PPARGC1A: variants seen among roughly 807,000 people sequenced by gnomAD.
The protein encoded by PPARGC1A is PPARG coactivator 1 alpha, also known as peroxisome proliferator-activated receptor gamma coactivator 1-alpha.
A neutral mutation model predicts 88.7 loss-of-function variants in PPARGC1A; 25 were observed. The observed-to-expected ratio is 0.28, with a 90% CI of 0.21 to 0.39. PPARGC1A has a LOEUF of 0.39. Among genes scored for constraint, PPARGC1A ranks in the 10% least tolerant of loss-of-function variants. The pLI is 1.00. For missense variants in PPARGC1A, 880 were observed against 968.7 expected, an observed-to-expected ratio of 0.91 and a Z score of 1.22; for synonymous variants, 363 against 355.6, an observed-to-expected ratio of 1.02 and a Z score of -0.24.
At chr4:24,420,254 G>A in the PPARGC1A span, among the ~76,000 whole-genome samples, 1 of 152,190 alleles carries the variant, frequency 6.6e-6, no homozygotes, top group Non-Finnish European at 1.5e-5. Flanking sequence ...GTAAATCTCA[G>A]AACAGAAAGT....
At chr4:24,424,075 A>G in the PPARGC1A span, among the ~76,000 whole-genome samples, 10 of 152,260 alleles carry the variant, frequency 6.6e-5, no homozygotes, top group Admixed American at 6.5e-4. Flanking sequence ...GGAAACTTTT[A>G]CTGTATCCAT....
the PPARGC1A span, among the ~76,000 whole-genome samples, chr4:24,019,823 A>T: frequency 6.6e-6 from 1 of 152,206 alleles, no homozygotes; most frequent in Admixed American, 6.5e-5. Context: ...TTTGCTCTAC[A>T]TCACCCACAT....
the PPARGC1A span, among the ~76,000 whole-genome samples, chr4:24,182,907 C>T: frequency 2.0e-5 from 3 of 152,260 alleles, no homozygotes; most frequent in Non-Finnish European, 2.9e-5. Flanking sequence ...GGCTGTCCTG[C>T]GTGCCAGGAA....
intron 2 of PPARGC1A, among the ~76,000 whole-genome samples, chr4:23,849,807 ATT>A (rs201793553): frequency 3.5e-5 from 5 of 144,500 alleles, no homozygotes; most frequent in Admixed American, 6.9e-5. Context: ...TAGATTTAGA[ATT>A]TTTTTTTTTT....
At chr4:24,281,601 T>C in the PPARGC1A span, among the ~76,000 whole-genome samples, 2 of 152,188 alleles carry the variant, frequency 1.3e-5, no homozygotes, top group Admixed American at 1.3e-4. Context: ...AATTTCAACA[T>C]GAGGTTTGAA....
At chr4:24,192,174 T>C in the PPARGC1A span, among the ~76,000 whole-genome samples, 1 of 152,126 alleles carries the variant, frequency 6.6e-6, no homozygotes, top group Non-Finnish European at 1.5e-5. Context: ...AAAAATGTTG[T>C]CCTGGAGACA....
chr4:24,194,943 G>T, the PPARGC1A span, among the ~76,000 whole-genome samples: 2 of 152,132 alleles, frequency 1.3e-5, no homozygotes, highest in Non-Finnish European at 2.9e-5. Flanking sequence ...ATTCTTCCTG[G>T]TTTGCCCAGT....
chr4:23,932,577 A>G, the PPARGC1A span, among the ~76,000 whole-genome samples: 1 of 152,246 alleles, frequency 6.6e-6, no homozygotes, highest in African/African-American at 2.4e-5. Context: ...TACTTTAGGG[A>G]AAATGGAAAA....
chr4:24,122,382 C>CGT, the PPARGC1A span, among the ~76,000 whole-genome samples: 3 of 69,942 alleles, frequency 4.3e-5, no homozygotes, highest in Non-Finnish European at 6.3e-5. Context: ...TGTGTGTATG[C>CGT]GTATGTGTGT....
chr4:24,383,966 C>A, the PPARGC1A span, among the ~76,000 whole-genome samples: 1 of 152,160 alleles, frequency 6.6e-6, no homozygotes, highest in Non-Finnish European at 1.5e-5. Context: ...ATGTTAAGGG[C>A]AGCCAGAGGA....
intron 7 of PPARGC1A, among the ~76,000 whole-genome samples, chr4:23,817,972 T>A (rs867707765): frequency 6.6e-6 from 1 of 152,122 alleles, no homozygotes; most frequent in East Asian, 1.9e-4. Flanking sequence ...TCTGAACTAG[T>A]TGTTATTTCT....
the PPARGC1A span, among the ~76,000 whole-genome samples, chr4:24,331,220 C>A: frequency 7.2e-5 from 11 of 152,348 alleles, no homozygotes; most frequent in Non-Finnish European, 1.6e-4. Flanking sequence ...TCCAGCCATA[C>A]TGGCCAAGCT....
At chr4:24,192,564 G>A in the PPARGC1A span, among the ~76,000 whole-genome samples, 1 of 152,192 alleles carries the variant, frequency 6.6e-6, no homozygotes. Flanking sequence ...CAAAAGGACA[G>A]CATTGTAAGT....
chr4:23,907,089 T>C (rs1259338261), upstream of PPARGC1A, among the ~76,000 whole-genome samples: 1 of 152,132 alleles, frequency 6.6e-6, no homozygotes, highest in African/African-American at 2.4e-5. Context: ...CAGAAGAGAC[T>C]GCCTCTCCTG....
chr4:23,991,005 G>A, the PPARGC1A span, among the ~76,000 whole-genome samples: 72 of 60,948 alleles, frequency 1.2e-3, no homozygotes, highest in African/African-American at 3.5e-3. Context: ...ATCCTCATAA[G>A]TAGAAGACAT....
the PPARGC1A span, among the ~76,000 whole-genome samples, chr4:24,195,861 A>C: frequency 6.6e-6 from 1 of 152,198 alleles, no homozygotes; most frequent in Admixed American, 6.5e-5. Flanking sequence ...TTATGCTAAT[A>C]AAGAAATACA....
chr4:23,828,548 T>C lies in PPARGC1A; in HGVS notation c.609A>G (p.Gln203=), dbSNP rs772311532. The C allele has an allele frequency of 1.2e-5, 19 of 1,614,048 alleles. No homozygotes were observed. The highest frequency in any genetic ancestry group is 6.7e-5 in the African/African-American group (5 of 74,932). ...AKSICQQQKP[Q]RRPCSELLKY... ...TGAGAAGCTCCGAGCAGGGACGTCT[T>C]TGTGGCTTTTGCTGTTGACAAATAC... The change falls in exon 5 of 13, where the codon CAA becomes CAG. Residue 203 remains glutamine (Q), a synonymous_variant. Coordinates refer to ENST00000264867, the MANE Select transcript of PPARGC1A (RefSeq NM_013261.5).
At chr4:23,801,702 C>T (rs764456371) in intron 12 of PPARGC1A, 28 bp downstream of exon 12, 20 of 1,612,616 alleles carry the variant, frequency 1.2e-5, no homozygotes, top group Middle Eastern at 3.3e-4. Flanking sequence ...TTATGGATTC[C>T]TCATTCCACG....
At chr4:24,184,927 G>A in the PPARGC1A span, among the ~76,000 whole-genome samples, 26 of 152,322 alleles carry the variant, frequency 1.7e-4, no homozygotes, top group South Asian at 5.4e-3. Context: ...GCCTCAGAAA[G>A]AGGAGAGGTG....
Sources: gnomAD v4.1 joint callset for allele counts (sites outside exome capture counted in the v4.1 genomes callset) on GRCh38, gnomAD v4.1.1 for gene constraint, MANE v1.5 for transcripts, NCBI Gene and HGNC (gene_info 2026-07-23, HGNC 2026-07-21) for gene names.